Variants in ASB1 observed in about 807,000 individuals in gnomAD.
ASB1 encodes the protein ankyrin repeat and SOCS box containing 1, also known as ankyrin repeat and SOCS box protein 1.
ASB1 carries 18 observed loss-of-function variants against 27.7 expected under a neutral mutation model. The ratio of observed to expected loss-of-function variants is 0.65; its 90% confidence interval spans 0.45 to 0.96. The LOEUF (loss-of-function observed/expected upper bound fraction) is 0.96. ASB1 is among the 50% of genes least tolerant of loss of function. The pLI is 0.00. For missense variants in ASB1, 397 were observed against 451.7 expected (o/e 0.88, Z 1.10); for synonymous variants, 189 against 187.6 (o/e 1.01, Z -0.06).
chr2:238,444,435 G>A lies in ASB1; in HGVS notation c.588G>A (p.Leu196=), dbSNP rs1211763388. ...TCACCTCCTTGGTGGTCTGCCCCTT[G>A]TACATCAGCGCAGCCTACCACAACC... is the stretch of plus-strand genomic sequence containing the variant. ...RRLTSLVVCP[L]YISAAYHNLQ... The change falls in exon 4 of 5, where the codon TTG becomes TTA. Residue 196 remains leucine (L), a synonymous_variant. Transcript: ENST00000264607. 1.9e-5 allele frequency: 30 copies of A among 1,614,024 alleles called. No individual in the cohort carries two copies. The highest frequency in any genetic ancestry group is 2.5e-5 in the Non-Finnish European group (30 of 1,180,034).
At chr2:238,441,941 C>T (rs1358869841) in intron 3 of ASB1, among the ~76,000 whole-genome samples, 5 of 152,158 alleles carry the variant, frequency 3.3e-5, no homozygotes, top group African/African-American at 4.8e-5. Context: ...TTTCATTGCT[C>T]AAACAATGAA....
chr2:238,447,564 C>T lies in ASB1; in HGVS notation c.*1053C>T, dbSNP rs1448094835. 1 of 152,298 alleles carries T rather than the reference C, an allele frequency of 6.6e-6. No homozygotes were observed. The highest frequency in any genetic ancestry group is 1.5e-5 in the Non-Finnish European group (1 of 68,088). The allele number at this position is 152,298 out of a possible 1,614,324, so 9.4% of individuals were successfully genotyped here. On this transcript the variant is annotated 3_prime_UTR_variant, in exon 5 of 5. Transcript: ENST00000264607. ...GCTGCATGAGTTGGGCTTCCCCTTA[C>T]CCAGGGCTGCACAGCCAGGTGTGAG...
chr2:238,434,083 C>CACCTTCCCT (rs1701922026), intron 2 of ASB1, among the ~76,000 whole-genome samples: 1 of 152,212 alleles, frequency 6.6e-6, no homozygotes, highest in Non-Finnish European at 1.5e-5. Flanking sequence ...CCTGCTTCAC[C>CACCTTCCCT]ACCTTCCCTA....
chr2:238,441,256 T>C (rs865955441), intron 3 of ASB1, among the ~76,000 whole-genome samples: 1 of 152,108 alleles, frequency 6.6e-6, no homozygotes, highest in African/African-American at 2.4e-5. Flanking sequence ...TGCTTCAGTC[T>C]CCTGAGTAGC....
chr2:238,443,311 G>A (rs1383732327), intron 3 of ASB1, among the ~76,000 whole-genome samples: 1 of 152,064 alleles, frequency 6.6e-6, no homozygotes, highest in African/African-American at 2.4e-5. Context: ...AATTTATTTT[G>A]CTATCATAAA....
intron 1 of ASB1, among the ~76,000 whole-genome samples, chr2:238,428,618 C>T (rs1193721637): frequency 6.6e-6 from 1 of 152,218 alleles, no homozygotes; most frequent in East Asian, 1.9e-4. Flanking sequence ...TTTATATCCT[C>T]ATGCACTGCT....
chr2:238,446,417 T>C lies in ASB1; in HGVS notation c.914T>C (p.Val305Ala), dbSNP rs569022463. The change falls in exon 5 of 5, where the codon GTG (valine) becomes GCG (alanine). Residue 305 changes from valine to alanine, a missense_variant. Coordinates refer to ENST00000264607, the MANE Select transcript of ASB1 (RefSeq NM_001040445.3). ...VPRTLLCLCRVAVRRALGKHR... is the reference protein window; with the variant it reads ...VPRTLLCLCRAAVRRALGKHR... Reference sequence around the variant, plus strand: ...AGAACCTTGCTGTGTCTGTGCCGTGTGGCTGTGAGAAGAGCTCTTGGCAAA... The same window carrying C: ...AGAACCTTGCTGTGTCTGTGCCGTGCGGCTGTGAGAAGAGCTCTTGGCAAA... 5.0e-6 allele frequency: 8 copies of C among 1,613,328 alleles called. No homozygotes were observed. In the African/African-American group the frequency reaches 9.3e-5, roughly 19 times the overall value.
chr2:238,432,124 G>A (rs570759978), intron 1 of ASB1, among the ~76,000 whole-genome samples: 28 of 152,288 alleles, frequency 1.8e-4, no homozygotes, highest in Non-Finnish European at 2.6e-4. Flanking sequence ...ATCTTTCTGG[G>A]CAGCTGATGG....
intron 1 of ASB1, among the ~76,000 whole-genome samples, chr2:238,432,180 G>A (rs1022457416): frequency 6.6e-6 from 1 of 152,036 alleles, no homozygotes; most frequent in African/African-American, 2.4e-5. Flanking sequence ...TACCTAGTAG[G>A]GTAGGTCTTT....
chr2:238,436,163 T>C (rs1575003802), intron 3 of ASB1, 150 bp downstream of exon 3: 1 of 625,918 alleles, frequency 1.6e-6, no homozygotes, highest in Admixed American at 3.8e-5. Context: ...CTTTATCAGG[T>C]CTCTTTGTTT....
At chr2:238,430,110 C>T (rs1021167609) in intron 1 of ASB1, among the ~76,000 whole-genome samples, 2 of 152,114 alleles carry the variant, frequency 1.3e-5, no homozygotes, top group Admixed American at 1.3e-4. Flanking sequence ...CCTGACTTAT[C>T]GGGGGCTATG....
rs548429153 is a variant in ASB1 at position 238,449,506 on chromosome 2, A to ATGGGC, written c.*3008_*3012dup. 2 of 152,634 alleles carry ATGGGC rather than the reference A, an allele frequency of 1.3e-5. No homozygotes were observed. Among genetic ancestry groups the ATGGGC allele is most frequent in the African/African-American group, 4.8e-5 (2 of 41,430 alleles). The allele number at this position is 152,634 out of a possible 1,614,324, so 9.5% of individuals were successfully genotyped here. On this transcript the variant is annotated 3_prime_UTR_variant, in exon 5 of 5. Coordinates refer to ENST00000264607, the MANE Select transcript of ASB1 (RefSeq NM_001040445.3). ...CCTGGGCCTTGGCTGCTGTCAACAG[A>ATGGGC]TGGGCTGGGCTGGGCTGTGGTGGGG...
At chr2:238,432,647 A>G (rs945329850) in intron 1 of ASB1, among the ~76,000 whole-genome samples, 4 of 152,222 alleles carry the variant, frequency 2.6e-5, no homozygotes, top group Admixed American at 2.6e-4. Context: ...GTTCTCCTTC[A>G]TAGTTGCCCA....
Position 238,444,657 on chromosome 2 carries a change from G to T in ASB1, c.810G>T (p.Ser270=). The part of the protein sequence containing the change: ...GANLNLVKWE[S]LGPESRGRRK... ...ACCTGAATCTAGTGAAGTGGGAATCGCTGGGCCCAGAGTCGAGAGGAAGAA... is the reference window on the plus strand; with the variant it reads ...ACCTGAATCTAGTGAAGTGGGAATCTCTGGGCCCAGAGTCGAGAGGAAGAA... The change falls in exon 4 of 5, where the codon TCG becomes TCT. Residue 270 remains serine (S), a synonymous_variant. Transcript: ENST00000264607. 4 of 1,614,150 alleles carry T rather than the reference G, an allele frequency of 2.5e-6. No individual in the cohort carries two copies. Among genetic ancestry groups the T allele is most frequent in the Non-Finnish European group, 3.4e-6 (4 of 1,180,032 alleles).
chr2:238,446,300 T>C, intron 4 of ASB1, 84 bp from the exon 5 acceptor site: 6 of 1,466,754 alleles, frequency 4.1e-6, no homozygotes, highest in Non-Finnish European at 5.5e-6. Flanking sequence ...CACTTCTGGC[T>C]GGCAGTCCCA....
rs1449892682 is a variant in ASB1, at chr2:238,451,781, A to C, written c.*5270A>C. 5 of 152,618 alleles carry C rather than the reference A, an allele frequency of 3.3e-5. No homozygotes were observed. The highest frequency in any genetic ancestry group is 6.5e-5 in the Admixed American group (1 of 15,272). The allele number at this position is 152,618 out of a possible 1,614,324, so 9.5% of individuals were successfully genotyped here. On this transcript the variant is annotated 3_prime_UTR_variant, in exon 5 of 5. Coordinates refer to ENST00000264607, the MANE Select transcript of ASB1 (RefSeq NM_001040445.3). ...TTAATTTTGTGGACTGTTTATTTCA[A>C]CAGGTGGAAGTGTTGGTCGTGCGAA... is the stretch of plus-strand genomic sequence containing the variant.
At chr2:238,428,384 G>T (rs1234545570) in intron 1 of ASB1, among the ~76,000 whole-genome samples, 1 of 152,182 alleles carries the variant, frequency 6.6e-6, no homozygotes, top group African/African-American at 2.4e-5. Flanking sequence ...TCCGCCTCGG[G>T]GGTTCAAGCG....
In ASB1 at chr2:238,444,979, C is replaced by CTTTT. The variant is rs34563680; in HGVS notation, c.880+269_880+272dup. Among the ~76,000 whole-genome samples the CTTTT allele has an allele frequency of 1.1e-4, 13 of 117,858 alleles. 1 individual carries two copies. The highest frequency in any genetic ancestry group is 2.8e-4 in the South Asian group (1 of 3,552). 77.3% of individuals were successfully genotyped at this position (117,858 alleles called of 152,430 possible). On this transcript the variant is annotated intron_variant, in intron 4 of 4. Transcript: ENST00000264607. ...ACTCCTAGAATTATGCTCGCGCTCTCTTTTTTTTTTTTTTTTTTTTGAGGC... is the reference window on the plus strand; with the variant it reads ...ACTCCTAGAATTATGCTCGCGCTCTCTTTTTTTTTTTTTTTTTTTTTTTTGAGGC...
At chr2:238,430,526 G>C (rs1404580779) in intron 1 of ASB1, among the ~76,000 whole-genome samples, 1 of 152,180 alleles carries the variant, frequency 6.6e-6, no homozygotes, top group Non-Finnish European at 1.5e-5. Context: ...ATGTGGGTTG[G>C]AATTAACTTC....
Sources: allele counts gnomAD v4.1 joint callset (sites outside exome capture counted in the v4.1 genomes callset), GRCh38; gene constraint gnomAD v4.1.1; transcripts MANE v1.5; gene names NCBI Gene and HGNC (gene_info 2026-07-23, HGNC 2026-07-21).